The following NFATC3 variants were observed in gnomAD, a reference collection of about 807,000 sequenced individuals.
NFATC3 encodes nuclear factor of activated T cells 3.
NFATC3 carries 46 observed loss-of-function variants against 98.6 expected under a neutral mutation model. The observed-to-expected ratio is 0.47, with a 90% CI of 0.37 to 0.60. The LOEUF is 0.60. Ranked by LOEUF, NFATC3 falls within the 20% of genes least tolerant of loss-of-function variation. NFATC3 has a pLI of 0.00. For missense variants in NFATC3, 1,256 were observed against 1,295.5 expected (o/e 0.97, Z 0.47); for synonymous variants, 512 against 472.2 (o/e 1.08, Z -1.09).
chr16:68,195,590 C>T (rs1029939806), intron 9 of NFATC3, among the ~76,000 whole-genome samples: 5 of 152,044 alleles, frequency 3.3e-5, no homozygotes, highest in African/African-American at 7.2e-5. Context: ...GGGCGGATCA[C>T]GAGGTCAGGA....
rs1598326443 is a variant in NFATC3 at position 68,085,496 on chromosome 16, G to T, written c.-186G>T. The T allele has an allele frequency of 3.9e-6, 2 of 511,076 alleles. No individual in the cohort carries two copies. The highest frequency in any genetic ancestry group is 3.7e-5 in the East Asian group (1 of 27,186). The allele number at this position is 511,076 out of a possible 1,614,324, so 31.7% of individuals were successfully genotyped here. On this transcript the variant is annotated 5_prime_UTR_variant, in exon 1 of 10. Coordinates refer to ENST00000346183, the MANE Select transcript of NFATC3 (RefSeq NM_173165.3). ...GCGGCTGCGGTTCCTGGTGCTGCTC[G>T]GCGCGCGGCCAGCTTTCGGAACGGA... is the stretch of plus-strand genomic sequence containing the variant.
intron 1 of NFATC3, among the ~76,000 whole-genome samples, chr16:68,100,459 G>A (rs1185668512): frequency 2.6e-5 from 4 of 152,116 alleles, no homozygotes; most frequent in Non-Finnish European, 5.9e-5. Flanking sequence ...TGTAGTCCCA[G>A]CTATTTGGAA....
At chr16:68,167,107 A>G in intron 5 of NFATC3, 92 bp downstream of exon 5, 1 of 1,304,898 alleles carries the variant, frequency 7.7e-7, no homozygotes, top group South Asian at 1.5e-5. Flanking sequence ...CTGAAGTGCA[A>G]ACTGAGGCAT....
rs934654163 is a variant in NFATC3, at chr16:68,181,851, T to C, written c.1971+321T>C. On this transcript the variant is annotated intron_variant, in intron 7 of 9. Transcript: ENST00000346183. Reference sequence around the variant, plus strand: ...CTGAGGTGGGAGGATCACCTGAGCCTGGGAGGTCAAGGCTGCAGTGAGCCA... The same window carrying C: ...CTGAGGTGGGAGGATCACCTGAGCCCGGGAGGTCAAGGCTGCAGTGAGCCA... Among the ~76,000 whole-genome samples the C allele has an allele frequency of 3.3e-5, 5 of 152,062 alleles. No individual in the cohort carries two copies. The South Asian group carries it at 8.3e-4, about 25-fold the overall frequency.
intron 1 of NFATC3, among the ~76,000 whole-genome samples, chr16:68,103,564 G>A (rs1035663509): frequency 6.6e-5 from 10 of 152,300 alleles, no homozygotes; most frequent in Admixed American, 5.2e-4. Flanking sequence ...TTACCAAGTT[G>A]TATTAATTGA....
chr16:68,140,575 G>C (rs1051773121), intron 3 of NFATC3, among the ~76,000 whole-genome samples: 1 of 152,010 alleles, frequency 6.6e-6, no homozygotes, highest in African/African-American at 2.4e-5. Context: ...AGAGCAACTG[G>C]ATATCCGTAG....
chr16:68,203,962 C>A (rs188271272), intron 9 of NFATC3, among the ~76,000 whole-genome samples: 1 of 151,974 alleles, frequency 6.6e-6, no homozygotes, highest in East Asian at 1.9e-4. Flanking sequence ...TCGAGGCAGG[C>A]GGATCACTGG....
chr16:68,201,820 C>CCTCACTT (rs2040927778), intron 9 of NFATC3, among the ~76,000 whole-genome samples: 1 of 149,844 alleles, frequency 6.7e-6, no homozygotes, highest in African/African-American at 2.4e-5. Context: ...CAGCTGGGCA[C>CCTCACTT]GATGGTGCAT....
chr16:68,091,764 GTGT>G (rs1054935955), intron 1 of NFATC3, among the ~76,000 whole-genome samples: 16 of 152,198 alleles, frequency 1.1e-4, no homozygotes, highest in African/African-American at 3.1e-4. Flanking sequence ...AATAAGGAAG[GTGT>G]TGTGTAAAGC....
At chr16:68,217,396 A>G (rs117132504) in intron 9 of NFATC3, among the ~76,000 whole-genome samples, 7,611 of 144,854 alleles carry the variant, frequency 0.053, 260 homozygotes, top group Non-Finnish European at 0.081. Context: ...ACGCCACTGC[A>G]CTCCAGCTTT....
intron 1 of NFATC3, among the ~76,000 whole-genome samples, chr16:68,121,314 T>C (rs2036569780): frequency 6.7e-6 from 1 of 148,474 alleles, no homozygotes; most frequent in African/African-American, 2.5e-5. Context: ...TGGCGTGATC[T>C]GAGCTCACTG....
At chr16:68,170,644 C>G (rs1168147201) in intron 5 of NFATC3, among the ~76,000 whole-genome samples, 1 of 151,726 alleles carries the variant, frequency 6.6e-6, no homozygotes, top group South Asian at 2.1e-4. Context: ...AGGTGCCCAC[C>G]ACCACACACA....
At chr16:68,180,169 T>C (rs2039892944) in intron 6 of NFATC3, among the ~76,000 whole-genome samples, 2 of 152,260 alleles carry the variant, frequency 1.3e-5, no homozygotes, top group South Asian at 2.1e-4. Context: ...TAAAATATTA[T>C]GTAAGGAATA....
At chr16:68,119,688 T>C (rs2036469954) in intron 1 of NFATC3, among the ~76,000 whole-genome samples, 1 of 152,206 alleles carries the variant, frequency 6.6e-6, no homozygotes, top group Non-Finnish European at 1.5e-5. Flanking sequence ...TTCCAGACTT[T>C]CCTATTAAAT....
chr16:68,141,906 T>G (rs2037770621), intron 3 of NFATC3, among the ~76,000 whole-genome samples: 1 of 152,198 alleles, frequency 6.6e-6, no homozygotes, highest in South Asian at 2.1e-4. Context: ...CCAGAAGTTT[T>G]TCCTAGGTTT....
chr16:68,142,790 G>T (rs1567518226), intron 3 of NFATC3, among the ~76,000 whole-genome samples: 2 of 151,860 alleles, frequency 1.3e-5, no homozygotes, highest in Non-Finnish European at 2.9e-5. Flanking sequence ...GAGTCTTTTG[G>T]GTAAGTCTTT....
chr16:68,168,073 A>G (rs2039294889), intron 5 of NFATC3, among the ~76,000 whole-genome samples: 1 of 151,660 alleles, frequency 6.6e-6, no homozygotes, highest in Non-Finnish European at 1.5e-5. Flanking sequence ...ACCTCAGGTG[A>G]TCCACCCGCG....
chr16:68,158,853 C>G (rs1220375494), intron 4 of NFATC3, among the ~76,000 whole-genome samples: 2 of 152,128 alleles, frequency 1.3e-5, no homozygotes, highest in African/African-American at 4.8e-5. Flanking sequence ...TTCCTAAAAC[C>G]TACTTAACAA....
intron 3 of NFATC3, among the ~76,000 whole-genome samples, chr16:68,147,353 G>A (rs559489072): frequency 2.6e-5 from 4 of 151,648 alleles, no homozygotes; most frequent in Admixed American, 2.0e-4. Context: ...TTTTTTTGTT[G>A]GTTTTTTCTT....
Sources: gnomAD v4.1 joint callset for allele counts (sites outside exome capture counted in the v4.1 genomes callset) on GRCh38, gnomAD v4.1.1 for gene constraint, MANE v1.5 for transcripts, NCBI Gene and HGNC (gene_info 2026-07-23, HGNC 2026-07-21) for gene names.